The following SCD5 variants were observed in gnomAD, a reference collection of about 807,000 sequenced individuals.
SCD5 encodes the protein stearoyl-CoA desaturase 5.
SCD5 carries 20 observed loss-of-function variants against 30.4 expected under a neutral mutation model. That is an observed-to-expected ratio of 0.66 (90% CI 0.46 to 0.96). The LOEUF (loss-of-function observed/expected upper bound fraction) is 0.96. Ranked by LOEUF, SCD5 falls within the 40% of genes least tolerant of loss-of-function variation. The probability of loss-of-function intolerance (pLI) is 0.00; values close to 1 mark genes in which losing one functional copy is unlikely to be tolerated. For missense variants in SCD5, 381 were observed against 443.3 expected (o/e 0.86, Z 1.26); for synonymous variants, 173 against 176.4 (o/e 0.98, Z 0.16).
chr4:82,743,990 T>A (rs1408699247), intron 1 of SCD5, among the ~76,000 whole-genome samples: 1 of 152,072 alleles, frequency 6.6e-6, no homozygotes, highest in Non-Finnish European at 1.5e-5. Context: ...CACACCTGGA[T>A]AATTTTTCTA....
At chr4:82,695,766 C>A (rs1719684114) in intron 2 of SCD5, among the ~76,000 whole-genome samples, 1 of 152,080 alleles carries the variant, frequency 6.6e-6, no homozygotes, top group African/African-American at 2.4e-5. Context: ...CTCTCCCTAC[C>A]TTTGCTCAGA....
At chr4:82,685,930 C>T (rs563778596) in intron 2 of SCD5, among the ~76,000 whole-genome samples, 3 of 151,970 alleles carry the variant, frequency 2.0e-5, no homozygotes, top group South Asian at 4.2e-4. Flanking sequence ...AGGGGCTTGC[C>T]GCATTTCAAG....
intron 1 of SCD5, among the ~76,000 whole-genome samples, chr4:82,731,622 G>T (rs980019896): frequency 6.6e-6 from 1 of 152,174 alleles, no homozygotes; most frequent in Non-Finnish European, 1.5e-5. Flanking sequence ...CCCTTATTTC[G>T]CAGAGTATCT....
intron 1 of SCD5, among the ~76,000 whole-genome samples, chr4:82,741,571 G>A (rs9996852): frequency 0.016 from 2,362 of 152,196 alleles, 60 homozygotes; most frequent in African/African-American, 0.051. Context: ...ATAGTCTATC[G>A]ATGTTGTTTT....
intron 1 of SCD5, among the ~76,000 whole-genome samples, chr4:82,790,903 G>A (rs1428641018): frequency 6.6e-6 from 1 of 152,120 alleles, no homozygotes; most frequent in African/African-American, 2.4e-5. Flanking sequence ...CCACCCAAGT[G>A]ATTCTGATGT....
chr4:82,789,957 T>C (rs1442169074), intron 1 of SCD5, among the ~76,000 whole-genome samples: 2 of 152,058 alleles, frequency 1.3e-5, no homozygotes, highest in Non-Finnish European at 2.9e-5. Flanking sequence ...TTGTTGTTGT[T>C]AGTGTATTTG....
Position 82,631,365 on chromosome 4 carries a change from C to G in SCD5, c.955G>C (p.Glu319Gln). Residue 319 changes from glutamate (E) to glutamine (Q), a missense_variant, in exon 5 of 5, where the codon GAG becomes CAG. Coordinates refer to ENST00000319540, the MANE Select transcript of SCD5 (RefSeq NM_001037582.3). ...TCTCCAGTCCTGGCCTTCCGGGCCT[C>G]GATCATCGGCTTGGTTGCCCGTTTG... ...DRKRATKPMI[E>Q]ARKARTGDSS... 6.2e-7 allele frequency: 1 copy of G among 1,614,056 alleles called. No individual in the cohort carries two copies.
intron 1 of SCD5, among the ~76,000 whole-genome samples, chr4:82,709,371 G>A (rs1454681561): frequency 6.6e-6 from 1 of 152,166 alleles, no homozygotes; most frequent in East Asian, 1.9e-4. Flanking sequence ...CAGCCACTGA[G>A]CTCAGAACTG....
At chr4:82,660,965 T>C (rs1727989481) in intron 3 of SCD5, 1 of 1,614,070 alleles carries the variant, frequency 6.2e-7, no homozygotes, top group Admixed American at 1.7e-5. Context: ...AAAGCTAAAA[T>C]GTGTAATCCG....
chr4:82,781,397 CAG>C (rs1474466821), intron 1 of SCD5, among the ~76,000 whole-genome samples: 2 of 149,242 alleles, frequency 1.3e-5, no homozygotes, highest in African/African-American at 5.0e-5. Flanking sequence ...GCCTGGCTGA[CAG>C]AGTGAGACTC....
chr4:82,721,386 C>T (rs1246660953), intron 1 of SCD5, among the ~76,000 whole-genome samples: 2 of 152,050 alleles, frequency 1.3e-5, no homozygotes, highest in Non-Finnish European at 2.9e-5. Flanking sequence ...TTCACAGAAA[C>T]CTAAAGACCC....
rs113212797 is a variant in SCD5 at position 82,791,186 on chromosome 4, C to T, written c.232+7120G>A. Among the ~76,000 whole-genome samples, 14 of 151,898 alleles carry T rather than the reference C, an allele frequency of 9.2e-5. 2 individuals carry two copies. Among genetic ancestry groups the T allele is most frequent in the African/African-American group, 1.9e-4 (8 of 41,410 alleles). ...CCGGGAGATGGAGGTTGCAGTGACC[C>T]GAGATCGTGCCACTGCACTCCAGCC... is the stretch of plus-strand genomic sequence containing the variant. On this transcript the variant is annotated intron_variant, in intron 1 of 4. Coordinates refer to ENST00000319540, the MANE Select transcript of SCD5 (RefSeq NM_001037582.3).
intron 1 of SCD5, among the ~76,000 whole-genome samples, chr4:82,716,371 T>TAAAC (rs61165283): frequency 0.023 from 3,487 of 151,858 alleles, 192 homozygotes; most frequent in African/African-American, 0.078. Flanking sequence ...CTCTTATCTG[T>TAAAC]AAACAAACAA....
At chr4:82,652,548 A>C (rs549194438) in intron 3 of SCD5, among the ~76,000 whole-genome samples, 45 of 152,314 alleles carry the variant, frequency 3.0e-4, no homozygotes, top group African/African-American at 9.6e-4. Flanking sequence ...AACTTCTCAG[A>C]GCCTCAGATT....
intron 3 of SCD5, chr4:82,660,685 G>A: frequency 7.0e-7 from 1 of 1,421,588 alleles, no homozygotes; most frequent in Non-Finnish European, 9.2e-7. Flanking sequence ...TTTGATTTTA[G>A]GACCATATTT....
chr4:82,757,676 C>T (rs542171169), intron 1 of SCD5, among the ~76,000 whole-genome samples: 9 of 152,256 alleles, frequency 5.9e-5, no homozygotes, highest in African/African-American at 2.2e-4. Context: ...GGCCATGTGA[C>T]CTTGGTCAAA....
rs535905236 is a variant in SCD5, at chr4:82,665,519, G to A, written c.569+15188C>T. Among the ~76,000 whole-genome samples the A allele has an allele frequency of 7.9e-5, 12 of 152,104 alleles. No homozygotes were observed. The East Asian group carries it at 1.9e-3, about 24-fold the overall frequency. On this transcript the variant is annotated intron_variant, in intron 3 of 4. Coordinates refer to ENST00000319540, the MANE Select transcript of SCD5 (RefSeq NM_001037582.3). ...CACAATGATACAAATCAAAAATTATGTAAGGCATAAGACAAGGTACTGACA... is the reference window on the plus strand; with the variant it reads ...CACAATGATACAAATCAAAAATTATATAAGGCATAAGACAAGGTACTGACA...
chr4:82,671,658 A>C (rs116021481), intron 3 of SCD5, among the ~76,000 whole-genome samples: 546 of 152,320 alleles, frequency 3.6e-3, no homozygotes, highest in African/African-American at 0.013. Flanking sequence ...TGGATGGATC[A>C]CCTGAAATCA....
intron 1 of SCD5, among the ~76,000 whole-genome samples, chr4:82,751,117 C>T (rs568409965): frequency 6.6e-6 from 1 of 152,224 alleles, no homozygotes; most frequent in South Asian, 2.1e-4. Context: ...ATAAAGCATA[C>T]AATAAGCCCA....
Sources: allele counts gnomAD v4.1 joint callset (sites outside exome capture counted in the v4.1 genomes callset), GRCh38; gene constraint gnomAD v4.1.1; transcripts MANE v1.5; gene names NCBI Gene and HGNC (gene_info 2026-07-23, HGNC 2026-07-21).